KANSL1L: variants seen among roughly 807,000 people sequenced by gnomAD.
KANSL1L encodes the protein KAT8 regulatory NSL complex subunit 1 like.
KANSL1L carries 25 observed loss-of-function variants against 108.6 expected under a neutral mutation model. The observed-to-expected ratio is 0.23, with a 90% CI of 0.17 to 0.32. The LOEUF (loss-of-function observed/expected upper bound fraction) is 0.32. KANSL1L is among the 10% of genes least tolerant of loss of function. KANSL1L has a pLI of 1.00. For synonymous variants in KANSL1L, 405 were observed against 395.1 expected (o/e 1.03, Z -0.30); for missense variants, 1,137 against 1,125.7 (o/e 1.01, Z -0.14).
Position 210,085,555 on chromosome 2 carries a change from T to C in KANSL1L, c.1551-9799A>G, listed in dbSNP as rs188706515. ...CTGAGGCACTTACAGATAATTTCTATTTTATATTTTAAGGAAAACAAAAAT... is the reference window on the plus strand; with the variant it reads ...CTGAGGCACTTACAGATAATTTCTACTTTATATTTTAAGGAAAACAAAAAT... On this transcript the variant is annotated intron_variant, in intron 5 of 14. Transcript: ENST00000281772. 2.6e-4 allele frequency among the ~76,000 whole-genome samples: 40 copies of C among 152,278 alleles called. No homozygotes were observed. The East Asian group carries it at 7.1e-3, about 27-fold the overall frequency.
upstream of KANSL1L, chr2:210,171,646 TC>T (rs1312563039): frequency 7.9e-4 from 119 of 151,212 alleles, 2 homozygotes; most frequent in African/African-American, 2.8e-3. Flanking sequence ...CCCAGTGCCA[TC>T]CCTGGCGAGG....
chr2:210,070,628 C>A (rs541356361), intron 6 of KANSL1L, among the ~76,000 whole-genome samples: 1 of 152,192 alleles, frequency 6.6e-6, no homozygotes, highest in Admixed American at 6.5e-5. Flanking sequence ...ACTACAAAGA[C>A]CTTACTAACA....
At chr2:210,168,213 CCTTT>C (rs1468781544) in intron 1 of KANSL1L, among the ~76,000 whole-genome samples, 4 of 152,156 alleles carry the variant, frequency 2.6e-5, no homozygotes, top group South Asian at 2.1e-4. Context: ...CAGCCCCATT[CCTTT>C]CTGTTTGTAT....
At chr2:210,113,644 C>T (rs79297950) in intron 3 of KANSL1L, among the ~76,000 whole-genome samples, 1 of 151,990 alleles carries the variant, frequency 6.6e-6, no homozygotes, top group Non-Finnish European at 1.5e-5. Context: ...AAACAACTGT[C>T]TTAAAGATGC....
chr2:210,027,301 CT>C lies in KANSL1L; in HGVS notation c.2445del (p.Glu816LysfsTer3). On this transcript the variant is annotated frameshift_variant, in exon 12 of 15. Coordinates refer to ENST00000281772, the MANE Select transcript of KANSL1L (RefSeq NM_152519.4). LOFTEE classifies it high-confidence loss of function. ...TTAAATGAAAGGCAGCTTACCTCTT[CT>C]TTGCCTAAATTATATTCATCCAAAG... ...LQPLDEYNLG[K>X]EEIEDLSDEV... 6.2e-7 allele frequency: 1 copy of C among 1,609,270 alleles called. No individual in the cohort carries two copies. The highest frequency in any genetic ancestry group is 8.5e-7 in the Non-Finnish European group (1 of 1,175,730).
At chr2:210,149,033 T>C (rs2095284420) in intron 2 of KANSL1L, among the ~76,000 whole-genome samples, 1 of 152,168 alleles carries the variant, frequency 6.6e-6, no homozygotes, top group South Asian at 2.1e-4. Flanking sequence ...ATTCAGTCAT[T>C]GAACATTCAT....
At chr2:210,070,170 C>G (rs1047787252) in intron 6 of KANSL1L, among the ~76,000 whole-genome samples, 8 of 147,630 alleles carry the variant, frequency 5.4e-5, no homozygotes, top group African/African-American at 2.0e-4. Context: ...TAACTCAAAT[C>G]TCTGCCTTCA....
At chr2:210,026,514 CATT>C (rs1314549667) in intron 12 of KANSL1L, 1 of 152,166 alleles carries the variant, frequency 6.6e-6, no homozygotes, top group African/African-American at 2.4e-5. Flanking sequence ...ACTACAGAAA[CATT>C]AATGTCTGAT....
chr2:210,108,944 C>T (rs2094877568), intron 3 of KANSL1L, among the ~76,000 whole-genome samples: 1 of 152,176 alleles, frequency 6.6e-6, no homozygotes, highest in Admixed American at 6.5e-5. Flanking sequence ...CACATACTTT[C>T]TGCTCCTTTA....
chr2:210,082,219 A>G (rs530901662), intron 5 of KANSL1L, among the ~76,000 whole-genome samples: 2 of 152,374 alleles, frequency 1.3e-5, no homozygotes, highest in South Asian at 2.1e-4. Context: ...TTGATGAAAT[A>G]CTGTAATGCT....
At chr2:210,076,901 A>G (rs2094546560) in intron 5 of KANSL1L, among the ~76,000 whole-genome samples, 1 of 152,086 alleles carries the variant, frequency 6.6e-6, no homozygotes, top group Non-Finnish European at 1.5e-5. Flanking sequence ...TGAATCTGCT[A>G]TTATGTGATA....
At chr2:210,114,558 A>G (rs914211056) in intron 3 of KANSL1L, among the ~76,000 whole-genome samples, 1 of 152,170 alleles carries the variant, frequency 6.6e-6, no homozygotes, top group African/African-American at 2.4e-5. Flanking sequence ...ATGCATAATT[A>G]TAACAGCTAG....
intron 4 of KANSL1L, among the ~76,000 whole-genome samples, chr2:210,101,593 G>A (rs1159725680): frequency 6.6e-6 from 1 of 152,028 alleles, no homozygotes; most frequent in Non-Finnish European, 1.5e-5. Flanking sequence ...TAGGATGAGG[G>A]GAGGGAAAAG....
rs901627599 is a variant in KANSL1L, at chr2:210,154,273, G to A, written c.310C>T (p.Pro104Ser). The A allele has an allele frequency of 1.9e-6, 3 of 1,613,466 alleles. No homozygotes were observed. The highest frequency in any genetic ancestry group is 2.5e-6 in the Non-Finnish European group (3 of 1,179,790). The change falls in exon 2 of 15, where the codon CCC becomes TCC. Residue 104 changes from proline (P) to serine (S), a missense_variant. This residue lies in a region of KANSL1L where 556 missense variants were observed against 537.7 expected (regional missense o/e 1.03). Coordinates refer to ENST00000281772, the MANE Select transcript of KANSL1L (RefSeq NM_152519.4). ...ATGTTTTTCAGCTTATTGCAACTGGGCTCCCCTAATTTCTTTTGTTTATAA... is the reference window on the plus strand; with the variant it reads ...ATGTTTTTCAGCTTATTGCAACTGGACTCCCCTAATTTCTTTTGTTTATAA... ...ENYKQKKLGE[P>S]SCNKLKNILY...
chr2:210,113,976 A>AG (rs1284220971), intron 3 of KANSL1L, among the ~76,000 whole-genome samples: 2 of 152,194 alleles, frequency 1.3e-5, no homozygotes, highest in Non-Finnish European at 2.9e-5. Context: ...TAAATGTGGG[A>AG]GTTCCAGAAA....
intron 4 of KANSL1L, among the ~76,000 whole-genome samples, chr2:210,100,335 T>C (rs2094781976): frequency 1.3e-5 from 2 of 152,122 alleles, no homozygotes; most frequent in African/African-American, 4.8e-5. Context: ...GCCAAACACG[T>C]TGGGAACAGC....
intron 6 of KANSL1L, among the ~76,000 whole-genome samples, chr2:210,047,321 C>CT (rs1191034278): frequency 8.5e-5 from 13 of 152,274 alleles, no homozygotes; most frequent in African/African-American, 3.1e-4. Flanking sequence ...TTCTGGCACT[C>CT]TATCATAAGC....
intron 6 of KANSL1L, among the ~76,000 whole-genome samples, chr2:210,063,174 C>A (rs2094436323): frequency 6.6e-6 from 1 of 152,208 alleles, no homozygotes. Context: ...AAGCCCCAAA[C>A]CTTGGCAGTT....
At chr2:210,164,941 C>T (rs1687846231) in intron 1 of KANSL1L, among the ~76,000 whole-genome samples, 1 of 150,264 alleles carries the variant, frequency 6.7e-6, no homozygotes. Context: ...TCTCAGCTCA[C>T]TGCAACTTCC....
Sources: allele counts gnomAD v4.1 joint callset (sites outside exome capture counted in the v4.1 genomes callset), GRCh38; gene constraint gnomAD v4.1.1; regional missense constraint gnomAD v4.1.1; transcripts MANE v1.5; gene names NCBI Gene and HGNC (gene_info 2026-07-23, HGNC 2026-07-21).